CACNA1C: variants seen among roughly 807,000 people sequenced by gnomAD.
CACNA1C encodes calcium voltage-gated channel subunit alpha1 C.
Under a neutral mutation model 229.0 loss-of-function variants are expected in CACNA1C, and 30 were observed. The ratio of observed to expected loss-of-function variants is 0.13; its 90% confidence interval spans 0.10 to 0.18. The LOEUF is 0.18. CACNA1C is among the 10% of genes least tolerant of loss of function. The pLI is 1.00. For synonymous variants in CACNA1C, 1,114 were observed against 1,132.5 expected (o/e 0.98, Z 0.33); for missense variants, 1,658 against 2,845.0 (o/e 0.58, Z 9.49).
At chr12:2,414,204 A>G (rs7312107) in intron 3 of CACNA1C, among the ~76,000 whole-genome samples, 51,891 of 152,004 alleles carry the variant, frequency 0.34, 9,254 homozygotes, top group Admixed American at 0.47. Flanking sequence ...CACTTGATTT[A>G]CTGTCTGCAC....
At chr12:2,267,165 G>A (rs1023613927) in intron 3 of CACNA1C, among the ~76,000 whole-genome samples, 4 of 152,282 alleles carry the variant, frequency 2.6e-5, no homozygotes, top group Middle Eastern at 3.4e-3. Flanking sequence ...CCTGGCCCAC[G>A]GTGGGCGCTT....
intron 22 of CACNA1C, among the ~76,000 whole-genome samples, 155 bp from the exon 23 acceptor site, chr12:2,604,926 G>C (rs769063877): frequency 3.3e-5 from 5 of 152,238 alleles, no homozygotes; most frequent in Non-Finnish European, 7.3e-5. Flanking sequence ...GACAGGAGTA[G>C]AGAGTGGTCC....
At chr12:2,581,325 A>G (rs1233554144) in intron 13 of CACNA1C, among the ~76,000 whole-genome samples, 1 of 152,196 alleles carries the variant, frequency 6.6e-6, no homozygotes, top group East Asian at 1.9e-4. Context: ...AGGCACATGC[A>G]GCAGGTAGCC....
At chr12:2,587,111 T>C (rs1455667424) in intron 18 of CACNA1C, among the ~76,000 whole-genome samples, 1 of 152,224 alleles carries the variant, frequency 6.6e-6, no homozygotes, top group Non-Finnish European at 1.5e-5. Context: ...GTTAATCTTG[T>C]TGGTATAATA....
At chr12:2,450,355 C>T (rs943724614) in intron 4 of CACNA1C, among the ~76,000 whole-genome samples, 11 of 151,804 alleles carry the variant, frequency 7.2e-5, no homozygotes, top group South Asian at 2.1e-4. Flanking sequence ...GAGATCGAGA[C>T]CATCCTGGCT....
Position 2,053,606 on chromosome 12 carries a change from AC to A in CACNA1C, c.46del (p.Gln16LysfsTer15). On this transcript the variant is annotated frameshift_variant, in exon 1 of 47. Coordinates refer to ENST00000399655, the MANE Select transcript of CACNA1C (RefSeq NM_000719.7). LOFTEE classifies it high-confidence loss of function. This position sits in a 1 kb window ranked among gnomAD's most constrained non-coding sequence, Gnocchi z 5.8. ...AGGATGTACATTCCAGAGGAAAACC[AC>A]CAAGGTAAGGCTGGACCCCGCCGCC... ...NTRMYIPEEN[H>X]QGSNYGSPRP... The A allele has an allele frequency of 6.3e-7, 1 of 1,592,434 alleles. No individual in the cohort carries two copies. The highest frequency in any genetic ancestry group is 1.7e-5 in the Admixed American group (1 of 57,682).
intron 29 of CACNA1C, chr12:2,614,761 A>T (rs1013043946): frequency 6.6e-6 from 1 of 152,190 alleles, no homozygotes; most frequent in Non-Finnish European, 1.5e-5. Context: ...GTCACTGCTT[A>T]TGTTTCGTCT....
At position 2,605,005 on chromosome 12, in the gene CACNA1C, C is replaced by T. The variant is rs2074598728; in HGVS notation, c.2961-76C>T. On this transcript the variant is annotated intron_variant, in intron 22 of 46. Transcript: ENST00000399655. The surrounding 1 kb of genome is among the most constrained non-coding windows in gnomAD (Gnocchi z 6.2). ...TTTGCCTCGGATTCACCTGTCAGGA[C>T]ATTCCCTTACCACATTATTTTTGCT... is the stretch of plus-strand genomic sequence containing the variant. The T allele has an allele frequency of 9.2e-7, 1 of 1,085,332 alleles. No homozygotes were observed. The allele number at this position is 1,085,332 out of a possible 1,614,324, so 67.2% of individuals were successfully genotyped here.
chr12:2,544,813 A>G (rs916208030), intron 9 of CACNA1C, among the ~76,000 whole-genome samples: 4 of 152,220 alleles, frequency 2.6e-5, no homozygotes, highest in Non-Finnish European at 4.4e-5. Context: ...TTGTAGCCCA[A>G]TTCGTTCAAC....
intron 9 of CACNA1C, among the ~76,000 whole-genome samples, chr12:2,525,944 C>T (rs573151407): frequency 2.0e-5 from 3 of 152,316 alleles, no homozygotes; most frequent in Non-Finnish European, 2.9e-5. Context: ...CCAGAAACAA[C>T]AGAGAATCTG....
intron 34 of CACNA1C, among the ~76,000 whole-genome samples, chr12:2,661,310 CACACAA>C (rs71441688): frequency 0.059 from 8,858 of 150,692 alleles, 380 homozygotes; most frequent in Admixed American, 0.13. Flanking sequence ...CACACACACA[CACACAA>C]GATTTTTCTA....
chr12:2,406,353 C>A (rs896628539), intron 3 of CACNA1C, among the ~76,000 whole-genome samples: 1 of 151,984 alleles, frequency 6.6e-6, no homozygotes, highest in Non-Finnish European at 1.5e-5. Flanking sequence ...CAGCCCCATC[C>A]TCCTCTTTCT....
chr12:2,679,826 C>A lies in CACNA1C; in HGVS notation c.5444+30C>A. ...GTGGGAGGCTGGCCACCCCAGGCGG[C>A]ACACAGGGCCCACGTGCTGCAACCC... is the stretch of plus-strand genomic sequence containing the variant. On this transcript the variant is annotated intron_variant, in intron 42 of 46. Transcript: ENST00000399655. This position sits in a 1 kb window ranked among gnomAD's most constrained non-coding sequence, Gnocchi z 5.5. 6.9e-7 allele frequency: 1 copy of A among 1,452,346 alleles called. No individual in the cohort carries two copies. The highest frequency in any genetic ancestry group is 9.4e-7 in the Non-Finnish European group (1 of 1,066,108). 90.0% of individuals were successfully genotyped at this position (1,452,346 alleles called of 1,614,324 possible).
intron 1 of CACNA1C, among the ~76,000 whole-genome samples, chr12:2,007,368 A>G (rs2043647594): frequency 6.6e-6 from 1 of 152,254 alleles, no homozygotes. Flanking sequence ...GAAGACAGGC[A>G]ATATAGGGGC....
At chr12:2,671,131 C>T (rs2096549365) in intron 38 of CACNA1C, among the ~76,000 whole-genome samples, 1 of 151,912 alleles carries the variant, frequency 6.6e-6, no homozygotes, top group Non-Finnish European at 1.5e-5. Context: ...TCTCCTGCCT[C>T]AGCCTCTCAA....
At chr12:2,011,361 T>C (rs919399890) in intron 1 of CACNA1C, 9 of 152,190 alleles carry the variant, frequency 5.9e-5, no homozygotes, top group African/African-American at 2.2e-4. Flanking sequence ...TCCTGGGACA[T>C]GGAGGAGTGT....
intron 4 of CACNA1C, among the ~76,000 whole-genome samples, chr12:2,453,654 C>A (rs2099398235): frequency 6.6e-6 from 1 of 152,164 alleles, no homozygotes; most frequent in East Asian, 1.9e-4. Context: ...CTGATCTAAT[C>A]CCTCCTTTCT....
At chr12:2,438,365 G>GTGGTGGTGGTGA (rs1482710412) in intron 3 of CACNA1C, among the ~76,000 whole-genome samples, 3,414 of 146,942 alleles carry the variant, frequency 0.023, 55 homozygotes, top group Middle Eastern at 0.054. Flanking sequence ...GGTAATGATG[G>GTGGTGGTGGTGA]TGGTGGTGGT....
At chr12:2,578,902 C>A (rs1245713672) in intron 13 of CACNA1C, among the ~76,000 whole-genome samples, 2 of 152,102 alleles carry the variant, frequency 1.3e-5, no homozygotes, top group Admixed American at 1.3e-4. Flanking sequence ...TCTAGGAGAT[C>A]CCTGCTAGTT....
Sources: allele counts gnomAD v4.1 joint callset (sites outside exome capture counted in the v4.1 genomes callset), GRCh38; gene constraint gnomAD v4.1.1; non-coding constraint Gnocchi (gnomAD v3.1); transcripts MANE v1.5; gene names NCBI Gene and HGNC (gene_info 2026-07-23, HGNC 2026-07-21).